The following PLEKHG1 variants were observed in gnomAD, a reference collection of about 807,000 sequenced individuals.
PLEKHG1 encodes pleckstrin homology and RhoGEF domain containing G1.
Under a neutral mutation model 100.8 loss-of-function variants are expected in PLEKHG1, and 44 were observed. The ratio of observed to expected loss-of-function variants is 0.44; its 90% CI spans 0.34 to 0.56. The LOEUF is 0.56. PLEKHG1 is among the 20% of genes least tolerant of loss of function. The probability of loss-of-function intolerance (pLI) is 0.01; values close to 1 mark genes in which losing one functional copy is unlikely to be tolerated. For synonymous variants in PLEKHG1, 640 were observed against 662.5 expected, an observed-to-expected ratio of 0.97 and a Z score of 0.52; for missense variants, 1,545 against 1,720.9, an observed-to-expected ratio of 0.90 and a Z score of 1.81.
chr6:150,740,659 A>G (rs1437279891), intron 2 of PLEKHG1, among the ~76,000 whole-genome samples: 2 of 152,296 alleles, frequency 1.3e-5, no homozygotes, highest in Non-Finnish European at 1.5e-5. Context: ...ATGTGGGTGG[A>G]TTTAATAAGG....
At chr6:150,832,268 A>G (rs1269281582) in intron 15 of PLEKHG1, 63 bp downstream of exon 16, 1 of 1,362,546 alleles carries the variant, frequency 7.3e-7, no homozygotes, top group Non-Finnish European at 9.9e-7. Context: ...TTCAGATTTC[A>G]GATGTCCTTA....
chr6:150,716,567 C>T (rs1781456023), upstream of PLEKHG1, among the ~76,000 whole-genome samples: 1 of 152,170 alleles, frequency 6.6e-6, no homozygotes, highest in Admixed American at 6.5e-5. Context: ...CTGCACAGTT[C>T]AGCAAGGTGC....
chr6:150,680,693 C>T (rs904119199), intron 3 of PLEKHG1, among the ~76,000 whole-genome samples: 3 of 152,172 alleles, frequency 2.0e-5, no homozygotes, highest in African/African-American at 7.2e-5. Context: ...GCAGAAGAGA[C>T]TGATAATTAC....
At position 150,831,340 on chromosome 6, in the gene PLEKHG1, C is replaced by T. The variant is rs751429402; in HGVS notation, c.2229C>T (p.Asp743=). The T allele has an allele frequency of 4.3e-6, 7 of 1,614,082 alleles. No individual in the cohort carries two copies. The highest frequency in any genetic ancestry group is 5.9e-6 in the Non-Finnish European group (7 of 1,179,990). The change falls in exon 15 of 16, where the codon GAC becomes GAT. Residue 743 remains aspartate (D), a synonymous_variant. Transcript: ENST00000358517. This position sits in a 1 kb window ranked among gnomAD's most constrained non-coding sequence, Gnocchi z 4.1. ...AAGCGGTTGAGGAGAACATCTATGA[C>T]ACCATAGGGCTCCCAGATCCTCCGT...
intron 3 of PLEKHG1, among the ~76,000 whole-genome samples, chr6:150,715,815 A>C (rs1387858398): frequency 6.7e-6 from 1 of 148,524 alleles, no homozygotes; most frequent in Admixed American, 6.6e-5. Context: ...TGCTCATAGA[A>C]AATGTGGCCG....
chr6:150,743,756 T>C (rs1034987243), intron 2 of PLEKHG1, among the ~76,000 whole-genome samples: 1 of 152,090 alleles, frequency 6.6e-6, no homozygotes, highest in Non-Finnish European at 1.5e-5. Context: ...ACCCCCTCCT[T>C]TTTTTTCTAC....
chr6:150,740,638 G>C (rs1337657386), intron 2 of PLEKHG1, among the ~76,000 whole-genome samples: 2 of 152,198 alleles, frequency 1.3e-5, no homozygotes, highest in Admixed American at 6.5e-5. Context: ...TGTTTTAAAT[G>C]AAGGCTCGTT....
At chr6:150,778,621 T>C (rs1411067444) in intron 3 of PLEKHG1, among the ~76,000 whole-genome samples, 2 of 152,200 alleles carry the variant, frequency 1.3e-5, no homozygotes, top group African/African-American at 2.4e-5. Context: ...TTCACACTTA[T>C]TAGTACTTTT....
At chr6:150,719,103 G>C (rs189093363), upstream of PLEKHG1, among the ~76,000 whole-genome samples, 2 of 152,284 alleles carry the variant, frequency 1.3e-5, no homozygotes, top group Non-Finnish European at 2.9e-5. Context: ...ATAAATGACT[G>C]TCCCATAGGA....
chr6:150,629,303 G>A (rs370817876), intron 1 of PLEKHG1, among the ~76,000 whole-genome samples: 3 of 152,202 alleles, frequency 2.0e-5, no homozygotes, highest in Admixed American at 6.5e-5. Flanking sequence ...TCTACATTGC[G>A]GCAACATTTA....
At chr6:150,602,805 G>A (rs1363615209) in intron 1 of PLEKHG1, among the ~76,000 whole-genome samples, 1 of 152,116 alleles carries the variant, frequency 6.6e-6, no homozygotes, top group African/African-American at 2.4e-5. Flanking sequence ...CACTGCCTAA[G>A]AAATGTTGGT....
intron 3 of PLEKHG1, among the ~76,000 whole-genome samples, chr6:150,698,277 C>T (rs1270331457): frequency 6.6e-6 from 1 of 152,122 alleles, no homozygotes; most frequent in Admixed American, 6.5e-5. Context: ...TGTGCAGTTA[C>T]CCACTTGGGA....
intron 2 of PLEKHG1, among the ~76,000 whole-genome samples, chr6:150,745,336 C>T (rs377759051): frequency 5.9e-5 from 9 of 152,154 alleles, no homozygotes; most frequent in South Asian, 4.1e-4. Context: ...GTGACCAAAA[C>T]GTCGTTTTGT....
rs74900809 is a variant in PLEKHG1, at chr6:150,679,467, C to A, written c.-99+28681C>A. On this transcript the variant is annotated intron_variant, in intron 3 of 3. Coordinates refer to the PLEKHG1 transcript ENST00000367326. ...AGAATCCATAAAATAAAGTAGTTAT[C>A]ATAAAGCAAATCATGTTTTCCCATG... Among the ~76,000 whole-genome samples, 357 of 152,308 alleles carry A rather than the reference C, an allele frequency of 2.3e-3. 3 individuals are homozygous for A. Among genetic ancestry groups the A allele is most frequent in the African/African-American group, 8.1e-3 (337 of 41,560 alleles).
At chr6:150,714,105 C>G (rs1781336334) in intron 3 of PLEKHG1, among the ~76,000 whole-genome samples, 1 of 152,186 alleles carries the variant, frequency 6.6e-6, no homozygotes. Flanking sequence ...TGTGTGTTAT[C>G]TCCTGGAGAA....
chr6:150,685,877 C>G (rs1178601200), intron 3 of PLEKHG1, among the ~76,000 whole-genome samples: 1 of 152,184 alleles, frequency 6.6e-6, no homozygotes, highest in Non-Finnish European at 1.5e-5. Context: ...AGGCATGGAT[C>G]ATTCCATCTG....
chr6:150,647,220 T>C (rs1778540079), intron 2 of PLEKHG1, among the ~76,000 whole-genome samples: 1 of 152,224 alleles, frequency 6.6e-6, no homozygotes, highest in African/African-American at 2.4e-5. Context: ...AAAGCCACTT[T>C]ACCTAGTCAC....
intron 2 of PLEKHG1, among the ~76,000 whole-genome samples, chr6:150,738,361 C>T (rs536914369): frequency 2.0e-4 from 30 of 152,178 alleles, no homozygotes; most frequent in Admixed American, 1.8e-3. Flanking sequence ...TTTGTGTATA[C>T]ACCGAGTTAA....
intron 10 of PLEKHG1, among the ~76,000 whole-genome samples, chr6:150,814,656 C>T (rs1583184205): frequency 1.3e-5 from 2 of 152,322 alleles, no homozygotes; most frequent in East Asian, 3.9e-4. Flanking sequence ...GTCTATCTGG[C>T]TCCAAAGAGC....
Sources: gnomAD v4.1 joint callset for allele counts (sites outside exome capture counted in the v4.1 genomes callset) on GRCh38, gnomAD v4.1.1 for gene constraint, Gnocchi (gnomAD v3.1) non-coding constraint, MANE v1.5 for transcripts, NCBI Gene and HGNC (gene_info 2026-07-23, HGNC 2026-07-21) for gene names.